The following OAF variants were observed in gnomAD, a reference collection of about 807,000 sequenced individuals.
OAF encodes out at first protein homolog.
In OAF, 13 loss-of-function variants were observed where a neutral mutation model predicts 22.5. The ratio of observed to expected loss-of-function variants is 0.58; its 90% confidence interval spans 0.38 to 0.92. OAF has a LOEUF of 0.92. Ranked by LOEUF, OAF falls within the 40% of genes least tolerant of loss-of-function variation. The pLI is 0.00. For synonymous variants in OAF, 175 were observed against 170.5 expected (o/e 1.03, Z -0.21); for missense variants, 347 against 381.8 (o/e 0.91, Z 0.76).
rs1344738312 is a variant in OAF, at chr11:120,211,483, C to G, written c.204C>G (p.Leu68=). 5.3e-6 allele frequency: 8 copies of G among 1,496,078 alleles called. No individual in the cohort carries two copies. The highest frequency in any genetic ancestry group is 7.2e-6 in the Non-Finnish European group (8 of 1,117,706). The allele number at this position is 1,496,078 out of a possible 1,614,324, so 92.7% of individuals were successfully genotyped here. The change falls in exon 1 of 4, where the codon CTC becomes CTG. Residue 68 remains leucine (L), a synonymous_variant. Coordinates refer to ENST00000328965, the MANE Select transcript of OAF (RefSeq NM_178507.4). ...AGCTGCGCAAGCCCGACGGCACCCT[C>G]GTCTCCTTCACCGCCGACTTCAAGA... ...SLELRKPDGT[L]VSFTADFKKD... is the part of the protein sequence containing the mutation.
At chr11:120,215,195 TA>T (rs966456221) in intron 1 of OAF, among the ~76,000 whole-genome samples, 15 of 151,266 alleles carry the variant, frequency 9.9e-5, no homozygotes, top group African/African-American at 3.2e-4. Context: ...AAATAAAAAA[TA>T]AAAAAAAATT....
At chr11:120,218,835 C>T (rs1938244132) in intron 1 of OAF, among the ~76,000 whole-genome samples, 1 of 152,034 alleles carries the variant, frequency 6.6e-6, no homozygotes. Context: ...AACCCCAGGG[C>T]TTTCTGGGGA....
intron 2 of OAF, among the ~76,000 whole-genome samples, chr11:120,226,039 G>T (rs1938353313): frequency 6.6e-6 from 1 of 152,088 alleles, no homozygotes; most frequent in African/African-American, 2.4e-5. Context: ...AGAGTCCTGA[G>T]CCCCTGATTT....
intron 1 of OAF, among the ~76,000 whole-genome samples, chr11:120,221,608 TTA>T (rs1178680055): frequency 6.6e-6 from 1 of 152,164 alleles, no homozygotes; most frequent in Non-Finnish European, 1.5e-5. Context: ...CCCTTCAAGG[TTA>T]TGTGGCCAGC....
intron 1 of OAF, among the ~76,000 whole-genome samples, chr11:120,216,525 C>G (rs1938214853): frequency 1.3e-5 from 2 of 152,186 alleles, no homozygotes; most frequent in South Asian, 4.2e-4. Context: ...ACCAGGCTCA[C>G]TGACATGGGG....
At position 120,211,406 on chromosome 11, in the gene OAF, G is replaced by T; in HGVS notation, c.127G>T (p.Val43Leu). ...RVRVRLPDGQ[V>L]TEESLQADSD... ...CCGCGTGCGGCTGCCGGACGGCCAG[G>T]TGACCGAGGAGAGCCTGCAGGCGGA... Residue 43 changes from valine (V) to leucine (L), a missense_variant, in exon 1 of 4, where the codon GTG (valine) becomes TTG (leucine). Val to Leu is a conservative substitution (Grantham distance 32). Transcript: ENST00000328965. The T allele has an allele frequency of 6.6e-7, 1 of 1,524,244 alleles. No homozygotes were observed. The highest frequency in any genetic ancestry group is 1.2e-5 in the South Asian group (1 of 81,512). The allele number at this position is 1,524,244 out of a possible 1,614,324, so 94.4% of individuals were successfully genotyped here.
At chr11:120,226,676 G>A (rs1938360562) in intron 2 of OAF, 140 bp from the exon 3 acceptor site, 1 of 671,772 alleles carries the variant, frequency 1.5e-6, no homozygotes, top group Non-Finnish European at 2.5e-6. Flanking sequence ...CAGTTGGAGA[G>A]GGGTGGGGCT....
chr11:120,226,998 T>G lies in OAF; in HGVS notation c.547+2T>G. On this transcript the variant is annotated splice_donor_variant, in intron 3 of 3. Coordinates refer to ENST00000328965, the MANE Select transcript of OAF (RefSeq NM_178507.4). LOFTEE classifies it high-confidence loss of function. ...ATGTCCGGTTCTGGCTGGAGCAAGG[T>G]CAGCTGGGAGCTGGGCACTGCCCGC... 1 of 1,590,676 alleles carries G rather than the reference T, an allele frequency of 6.3e-7. No individual in the cohort carries two copies. The highest frequency in any genetic ancestry group is 8.6e-7 in the Non-Finnish European group (1 of 1,162,216).
intron 1 of OAF, among the ~76,000 whole-genome samples, chr11:120,220,292 C>A (rs1453206406): frequency 6.6e-6 from 1 of 152,172 alleles, no homozygotes; most frequent in Non-Finnish European, 1.5e-5. Flanking sequence ...ACCCTGCGTC[C>A]TGCTTGTGTC....
In OAF at chr11:120,225,673, T is replaced by C. The variant is rs1341459465; in HGVS notation, c.244T>C (p.Phe82Leu). ...TADFKKDVKV[F>L]RALILGELEK... ...TGCCCTTCTTCAGGATGTGAAGGTC[T>C]TCCGGGCCCTGATCCTGGGGGAGCT... The change falls in exon 2 of 4, where the codon TTC becomes CTC. Residue 82 changes from phenylalanine to leucine, a missense_variant. By Grantham distance (22) the Phe-to-Leu change is conservative. Coordinates refer to ENST00000328965, the MANE Select transcript of OAF (RefSeq NM_178507.4). The C allele has an allele frequency of 6.3e-7, 1 of 1,597,818 alleles. No individual in the cohort carries two copies. Among genetic ancestry groups the C allele is most frequent in the East Asian group, 2.3e-5 (1 of 42,686 alleles).
intron 1 of OAF, among the ~76,000 whole-genome samples, chr11:120,225,357 G>A (rs1938339397): frequency 6.6e-6 from 1 of 152,138 alleles, no homozygotes; most frequent in African/African-American, 2.4e-5. Context: ...TGCCTGTAGA[G>A]GCCCTGACCC....
At chr11:120,212,687 C>T (rs1234540932) in intron 1 of OAF, among the ~76,000 whole-genome samples, 15 of 150,734 alleles carry the variant, frequency 1.0e-4, no homozygotes. Flanking sequence ...CAGTTAGGGA[C>T]CCAGCCAGAT....
In OAF at chr11:120,225,776, C is replaced by T. The variant is rs1183187871; in HGVS notation, c.347C>T (p.Ala116Val). The T allele has an allele frequency of 1.2e-6, 2 of 1,602,352 alleles. No homozygotes were observed. Among genetic ancestry groups the T allele is most frequent in the Non-Finnish European group, 8.5e-7 (1 of 1,174,782 alleles). ...LQHNEIIPSEAMAKLRQKNPR... is the reference protein window; with the variant it reads ...LQHNEIIPSEVMAKLRQKNPR... Reference sequence around the variant, plus strand: ...CACAATGAGATCATCCCCAGTGAGGCCATGGCCAAGCTCCGGCAGGTAAGT... The same window carrying T: ...CACAATGAGATCATCCCCAGTGAGGTCATGGCCAAGCTCCGGCAGGTAAGT... Residue 116 changes from alanine (A) to valine (V), a missense_variant, in exon 2 of 4, where the codon GCC (alanine) becomes GTC (valine). Physicochemically the swap from Ala to Val is moderately conservative, Grantham distance 64. Transcript: ENST00000328965.
intron 1 of OAF, among the ~76,000 whole-genome samples, chr11:120,221,761 C>T (rs1938282359): frequency 6.6e-6 from 1 of 152,188 alleles, no homozygotes; most frequent in African/African-American, 2.4e-5. Context: ...CCCCAGGGTA[C>T]TTGCCACACC....
intron 1 of OAF, among the ~76,000 whole-genome samples, chr11:120,219,605 C>G (rs115019767): frequency 0.013 from 1,946 of 152,316 alleles, 41 homozygotes; most frequent in African/African-American, 0.043. Flanking sequence ...GCAGCCTTCC[C>G]TCTGGAGACA....
Position 120,226,859 on chromosome 11 carries a change from T to C in OAF, c.410T>C (p.Leu137Pro), listed in dbSNP as rs1330379864. 1 of 1,609,980 alleles carries C rather than the reference T, an allele frequency of 6.2e-7. No homozygotes were observed. The highest frequency in any genetic ancestry group is 8.5e-7 in the Non-Finnish European group (1 of 1,177,010). ...CGGCAGGCGGAGGAGGTTCGGGGTC[T>C]GGAGCATCTGCACATGGATGTCGCT... ...AVRQAEEVRG[L>P]EHLHMDVAVN... The change falls in exon 3 of 4, where the codon CTG becomes CCG. Residue 137 changes from leucine to proline, a missense_variant. Coordinates refer to ENST00000328965, the MANE Select transcript of OAF (RefSeq NM_178507.4).
chr11:120,217,786 CGTGGGCATGT>C (rs1007044578), intron 1 of OAF, among the ~76,000 whole-genome samples: 1 of 152,166 alleles, frequency 6.6e-6, no homozygotes, highest in African/African-American at 2.4e-5. Flanking sequence ...CAGAGGCCCG[CGTGGGCATGT>C]GAGGAGTGAG....
chr11:120,225,826 G>A (rs1341167485), intron 2 of OAF, 31 bp downstream of exon 2: 16 of 1,578,828 alleles, frequency 1.0e-5, no homozygotes, highest in Non-Finnish European at 1.2e-5. Flanking sequence ...GCCTGGCCCA[G>A]GTCCTGACCC....
intron 1 of OAF, chr11:120,213,691 ACC>A (rs1938178705): frequency 6.6e-6 from 1 of 152,122 alleles, no homozygotes; most frequent in Non-Finnish European, 1.5e-5. Context: ...AGGGTGGGTC[ACC>A]TCTCAGTTCT....
Sources: allele counts gnomAD v4.1 joint callset (sites outside exome capture counted in the v4.1 genomes callset), GRCh38; gene constraint gnomAD v4.1.1; transcripts MANE v1.5; gene names NCBI Gene and HGNC (gene_info 2026-07-23, HGNC 2026-07-21).